Variants in PHKB observed in about 807,000 individuals in gnomAD.
The protein encoded by PHKB is phosphorylase kinase regulatory subunit beta.
Under a neutral mutation model 152.1 loss-of-function variants are expected in PHKB, and 122 were observed. The ratio of observed to expected loss-of-function variants is 0.80; its 90% CI spans 0.69 to 0.93. The LOEUF (loss-of-function observed/expected upper bound fraction) is 0.93. Ranked by LOEUF, PHKB falls within the 40% of genes least tolerant of loss-of-function variation. The pLI is 0.00. For synonymous variants in PHKB, 436 were observed against 464.9 expected (o/e 0.94, Z 0.80); for missense variants, 1,304 against 1,328.4 (o/e 0.98, Z 0.29).
chr16:47,683,891 C>T (rs560455768), intron 26 of PHKB, among the ~76,000 whole-genome samples: 6 of 152,286 alleles, frequency 3.9e-5, no homozygotes, highest in Non-Finnish European at 5.9e-5. Flanking sequence ...TGTTCCTATT[C>T]GGCCATCTTG....
In PHKB at chr16:47,592,136, G is replaced by A. The variant is rs141107501; in HGVS notation, c.1069-1364G>A. On this transcript the variant is annotated intron_variant, in intron 10 of 30. Coordinates refer to ENST00000323584, the MANE Select transcript of PHKB (RefSeq NM_000293.3). ...TGTCAGTAGTGCTGAAGTTGAGAAA[G>A]CTCAGTTTAGGTTGTCATCTTTTCT... is the stretch of plus-strand genomic sequence containing the variant. 3.3e-4 allele frequency among the ~76,000 whole-genome samples: 51 copies of A among 152,322 alleles called. No individual in the cohort carries two copies. In the East Asian group the frequency reaches 6.6e-3, roughly 20 times the overall value.
intron 7 of PHKB, among the ~76,000 whole-genome samples, chr16:47,575,075 A>G (rs751295772): frequency 1.3e-5 from 2 of 152,240 alleles, no homozygotes; most frequent in Non-Finnish European, 2.9e-5. Context: ...TGCAGAATTT[A>G]TACAAATGGC....
chr16:47,492,633 G>A (rs1023782556), intron 1 of PHKB, among the ~76,000 whole-genome samples: 2 of 152,268 alleles, frequency 1.3e-5, no homozygotes, highest in Non-Finnish European at 2.9e-5. Flanking sequence ...CCTTGGCAGG[G>A]AGGGGAGGGT....
rs149140758 is a variant in PHKB, at chr16:47,599,121, C to G, written c.1363+2590C>G. The G allele has an allele frequency of 8.5e-4, 416 of 489,612 alleles. 2 individuals are homozygous for G. The highest frequency in any genetic ancestry group is 5.7e-3 in the Middle Eastern group (11 of 1,932). The allele number at this position is 489,612 out of a possible 1,614,324, so 30.3% of individuals were successfully genotyped here. The stretch of plus-strand genomic sequence containing the variant: ...TCTCACTAGCATAATTACAAAGAAG[C>G]TTTGTTGTTACAGTTAAGTAAAACA... On this transcript the variant is annotated intron_variant, in intron 13 of 30. Transcript: ENST00000323584.
At chr16:47,487,864 A>C (rs1309828655) in intron 1 of PHKB, among the ~76,000 whole-genome samples, 1 of 152,190 alleles carries the variant, frequency 6.6e-6, no homozygotes, top group Non-Finnish European at 1.5e-5. Context: ...CGTTGAGTCC[A>C]TGACCCTGCT....
intron 28 of PHKB, among the ~76,000 whole-genome samples, chr16:47,695,895 C>T (rs1597188954): frequency 6.6e-6 from 1 of 152,148 alleles, no homozygotes; most frequent in African/African-American, 2.4e-5. Context: ...CGCTTTTTTC[C>T]TGTTTCCTTC....
chr16:47,534,121 C>T (rs1047818349), intron 6 of PHKB, among the ~76,000 whole-genome samples: 6 of 152,354 alleles, frequency 3.9e-5, no homozygotes, highest in East Asian at 1.9e-4. Flanking sequence ...TCCTGGCTCC[C>T]GCCAACCCCA....
At chr16:47,519,863 C>G (rs1223870384) in intron 6 of PHKB, among the ~76,000 whole-genome samples, 3 of 152,078 alleles carry the variant, frequency 2.0e-5, no homozygotes, top group Admixed American at 6.5e-5. Flanking sequence ...TCCTTGTACA[C>G]TAAGACTTTT....
chr16:47,474,570 A>G (rs912016639), intron 1 of PHKB, among the ~76,000 whole-genome samples: 1 of 152,194 alleles, frequency 6.6e-6, no homozygotes, highest in Non-Finnish European at 1.5e-5. Flanking sequence ...TTTTCTGTAT[A>G]CTAAAAAAAA....
At position 47,597,073 on chromosome 16, in the gene PHKB, A is replaced by C. The variant is rs1373177457; in HGVS notation, c.1363+542A>C. The stretch of plus-strand genomic sequence containing the variant: ...TAGCACTCTTGGACACTTTGAAATG[A>C]AGACAAATTTGATAAACACAGAAAA... On this transcript the variant is annotated intron_variant, in intron 13 of 30. Transcript: ENST00000323584. 2.6e-5 allele frequency among the ~76,000 whole-genome samples: 4 copies of C among 152,312 alleles called. No individual in the cohort carries two copies. The South Asian group carries it at 8.3e-4, about 32-fold the overall frequency.
intron 26 of PHKB, among the ~76,000 whole-genome samples, chr16:47,670,964 A>G (rs538835728): frequency 4.2e-4 from 64 of 152,216 alleles, no homozygotes; most frequent in African/African-American, 1.5e-3. Context: ...AGCCTCAACA[A>G]TATTATCATC....
At chr16:47,641,526 C>T (rs950252104) in intron 15 of PHKB, 73 bp from the exon 16 acceptor site, 1 of 804,954 alleles carries the variant, frequency 1.2e-6, no homozygotes, top group Non-Finnish European at 2.2e-6. Context: ...CCCTTTTATC[C>T]TCCTCCTTCA....
rs192109335 is a variant in PHKB at position 47,485,602 on chromosome 16, C to T, written c.77-11797C>T. 3.0e-4 allele frequency among the ~76,000 whole-genome samples: 46 copies of T among 152,272 alleles called. No homozygotes were observed. The East Asian group carries it at 8.9e-3, about 29-fold the overall frequency. ...GACTTCATACATAGCAGAGCAACTT[C>T]ACTGCTTTCTTTGGTTCGTTCGTAT... On this transcript the variant is annotated intron_variant, in intron 1 of 30. Coordinates refer to ENST00000323584, the MANE Select transcript of PHKB (RefSeq NM_000293.3).
intron 6 of PHKB, among the ~76,000 whole-genome samples, chr16:47,546,732 G>T (rs1186638543): frequency 2.0e-5 from 3 of 152,162 alleles, no homozygotes; most frequent in Non-Finnish European, 4.4e-5. Flanking sequence ...TACAGAAGCA[G>T]GGGTCCTCCT....
chr16:47,697,184 T>G (rs578117090), intron 29 of PHKB, among the ~76,000 whole-genome samples: 2 of 152,350 alleles, frequency 1.3e-5, no homozygotes, highest in African/African-American at 4.8e-5. Flanking sequence ...ATCCGACTTT[T>G]GTGTTTCTCA....
chr16:47,514,263 A>G (rs1343199356), intron 5 of PHKB, among the ~76,000 whole-genome samples: 1 of 152,128 alleles, frequency 6.6e-6, no homozygotes, highest in Non-Finnish European at 1.5e-5. Context: ...TGACCCACAC[A>G]ATTATGGAGG....
rs140509147 is a variant in PHKB, at chr16:47,596,487, T to C, written c.1319T>C (p.Leu440Pro). 145 of 1,613,854 alleles carry C rather than the reference T, an allele frequency of 9.0e-5. No homozygotes were observed. The highest frequency in any genetic ancestry group is 1.2e-4 in the Non-Finnish European group (139 of 1,179,876). The change falls in exon 13 of 31, where the codon CTG becomes CCG. Residue 440 changes from leucine to proline, a missense_variant. Physicochemically the swap from Leu to Pro is moderately conservative, Grantham distance 98. Coordinates refer to ENST00000323584, the MANE Select transcript of PHKB (RefSeq NM_000293.3). Reference sequence around the variant, plus strand: ...AGCAACTGTGGCCGTGATGGAAAACTGTTTCTTTGGGGACAAGCACTTTAT... The same window carrying C: ...AGCAACTGTGGCCGTGATGGAAAACCGTTTCTTTGGGGACAAGCACTTTAT... ...FPSNCGRDGK[L>P]FLWGQALYII...
chr16:47,508,049 C>T (rs2151647702), intron 4 of PHKB, among the ~76,000 whole-genome samples: 1 of 152,292 alleles, frequency 6.6e-6, no homozygotes, highest in Admixed American at 6.5e-5. Flanking sequence ...AAAATCATGA[C>T]CTAGAAAGTC....
chr16:47,546,240 G>A (rs1971161927), intron 6 of PHKB, among the ~76,000 whole-genome samples: 1 of 152,082 alleles, frequency 6.6e-6, no homozygotes, highest in Non-Finnish European at 1.5e-5. Flanking sequence ...CCTACCTTTG[G>A]TCTTTATGAT....
Sources: gnomAD v4.1 joint callset for allele counts (sites outside exome capture counted in the v4.1 genomes callset) on GRCh38, gnomAD v4.1.1 for gene constraint, MANE v1.5 for transcripts, NCBI Gene and HGNC (gene_info 2026-07-23, HGNC 2026-07-21) for gene names.